The following CPXM2 variants were observed in gnomAD, a reference collection of about 807,000 sequenced individuals.
CPXM2 encodes the protein carboxypeptidase X, M14 family member 2.
Under a neutral mutation model 86.1 loss-of-function variants are expected in CPXM2, and 66 were observed. The observed-to-expected ratio is 0.77, with a 90% CI of 0.63 to 0.94. The LOEUF (loss-of-function observed/expected upper bound fraction) is 0.94. Among genes scored for constraint, CPXM2 ranks in the 40% least tolerant of loss-of-function variants. The pLI, the probability that CPXM2 is intolerant of heterozygous loss-of-function variation, is 0.00. For synonymous variants in CPXM2, 388 were observed against 400.2 expected, an observed-to-expected ratio of 0.97 and a Z score of 0.36; for missense variants, 948 against 1,026.3, an observed-to-expected ratio of 0.92 and a Z score of 1.04.
At chr10:123,790,118 T>C (rs774851474) in intron 6 of CPXM2, among the ~76,000 whole-genome samples, 1 of 151,728 alleles carries the variant, frequency 6.6e-6, no homozygotes, top group African/African-American at 2.4e-5. Context: ...GACTCCATCT[T>C]AAAAAAAATT....
intron 2 of CPXM2, among the ~76,000 whole-genome samples, chr10:123,936,563 A>G (rs1242034741): frequency 6.6e-6 from 1 of 152,208 alleles, no homozygotes; most frequent in Non-Finnish European, 1.5e-5. Flanking sequence ...ACCATGATGC[A>G]TCCAAACCAA....
At chr10:123,910,841 G>A (rs944121431) in intron 2 of CPXM2, among the ~76,000 whole-genome samples, 11 of 114,970 alleles carry the variant, frequency 9.6e-5, no homozygotes, top group African/African-American at 2.8e-4. Context: ...ACCAGCTCTC[G>A]GGGAGGATCC....
At chr10:123,804,760 T>C (rs1030968176) in intron 4 of CPXM2, among the ~76,000 whole-genome samples, 2 of 152,218 alleles carry the variant, frequency 1.3e-5, no homozygotes, top group African/African-American at 4.8e-5. Flanking sequence ...CCCAGCCTCA[T>C]TCGTGAGATC....
Position 123,754,996 on chromosome 10 carries a change from C to G in CPXM2, c.1918-234G>C, listed in dbSNP as rs540185506. Among the ~76,000 whole-genome samples the G allele has an allele frequency of 1.7e-4, 26 of 152,362 alleles. No individual in the cohort carries two copies. The highest frequency in any genetic ancestry group is 3.2e-4 in the Non-Finnish European group (22 of 68,040). On this transcript the variant is annotated intron_variant, in intron 12 of 13. Coordinates refer to ENST00000241305, the MANE Select transcript of CPXM2 (RefSeq NM_198148.3). This position sits in a 1 kb window ranked among gnomAD's most constrained non-coding sequence, Gnocchi z 4.0. Reference sequence around the variant, plus strand: ...AAGAAAAGTGAACTTATTTCTGAAGCTAGCATTAGGGAAGCATCCTGCTTT... The same window carrying G: ...AAGAAAAGTGAACTTATTTCTGAAGGTAGCATTAGGGAAGCATCCTGCTTT...
chr10:123,905,024 G>A (rs1490805124), intron 2 of CPXM2, among the ~76,000 whole-genome samples: 1 of 132,808 alleles, frequency 7.5e-6, no homozygotes, highest in Non-Finnish European at 1.6e-5. Context: ...CAGGTGTGCT[G>A]GAAAATGCGT....
In CPXM2 at chr10:123,848,437, C is replaced by T. The variant is rs1848540320; in HGVS notation, c.514-5949G>A. On this transcript the variant is annotated intron_variant, in intron 3 of 13. Transcript: ENST00000241305. Reference sequence around the variant, plus strand: ...CCAAAACCAATTTCTTAACTATTTCCTTGCATTGGCCAAGGAAACTAGTAA... The same window carrying T: ...CCAAAACCAATTTCTTAACTATTTCTTTGCATTGGCCAAGGAAACTAGTAA... 2.0e-5 allele frequency among the ~76,000 whole-genome samples: 3 copies of T among 152,138 alleles called. No homozygotes were observed. The South Asian group carries it at 6.2e-4, about 31-fold the overall frequency.
chr10:123,879,292 C>T (rs2134228947), intron 2 of CPXM2, among the ~76,000 whole-genome samples: 1 of 152,294 alleles, frequency 6.6e-6, no homozygotes, highest in African/African-American at 2.4e-5. Context: ...CACATGGCAG[C>T]TAAAGTCCTG....
chr10:123,877,951 C>A (rs28759094), intron 2 of CPXM2, among the ~76,000 whole-genome samples: 105,142 of 151,978 alleles, frequency 0.69, 37,747 homozygotes, highest in African/African-American at 0.84. Context: ...TGTACTGCCC[C>A]CCGCCTTGCA....
At chr10:123,879,010 C>G (rs1945038510) in intron 2 of CPXM2, among the ~76,000 whole-genome samples, 1 of 152,178 alleles carries the variant, frequency 6.6e-6, no homozygotes, top group Non-Finnish European at 1.5e-5. Context: ...GCAGAATGCG[C>G]TCTCCCGGTC....
In CPXM2 at chr10:123,865,036, C is replaced by T. The variant is rs1409878074; in HGVS notation, c.404-2313G>A. ...CCGCCAGCAGTGCTGGCAGCTGCCACATCTAACAGCCATTCTTGTCCACTC... is the reference window on the plus strand; with the variant it reads ...CCGCCAGCAGTGCTGGCAGCTGCCATATCTAACAGCCATTCTTGTCCACTC... On this transcript the variant is annotated intron_variant, in intron 2 of 13. Coordinates refer to ENST00000241305, the MANE Select transcript of CPXM2 (RefSeq NM_198148.3). This position sits in a 1 kb window ranked among gnomAD's most constrained non-coding sequence, Gnocchi z 4.7. Among the ~76,000 whole-genome samples the T allele has an allele frequency of 1.3e-5, 2 of 152,204 alleles. No individual in the cohort carries two copies. The highest frequency in any genetic ancestry group is 2.9e-5 in the Non-Finnish European group (2 of 68,040).
chr10:123,760,692 C>T (rs188308817), intron 11 of CPXM2, among the ~76,000 whole-genome samples: 186 of 152,288 alleles, frequency 1.2e-3, no homozygotes, highest in African/African-American at 4.4e-3. Context: ...GAACTTATCA[C>T]GACTGTTTCT....
At position 123,797,993 on chromosome 10, in the gene CPXM2, A is replaced by G. The variant is rs1159080225; in HGVS notation, c.872T>C (p.Leu291Pro). The change falls in exon 6 of 14, where the codon CTG becomes CCG. Residue 291 changes from leucine (L) to proline (P), a missense_variant. Physicochemically the swap from Leu to Pro is moderately conservative, Grantham distance 98. Coordinates refer to ENST00000241305, the MANE Select transcript of CPXM2 (RefSeq NM_198148.3). ...NGSICMRMEI[L>P]GCPLPDPNNY... ...GAACTCACCTGGCAGTGGGCAGCCC[A>G]GGATCTCCATTCTCATGCAGATGCT... 6.2e-7 allele frequency: 1 copy of G among 1,608,116 alleles called. No homozygotes were observed. The highest frequency in any genetic ancestry group is 1.3e-5 in the African/African-American group (1 of 74,590).
chr10:123,895,905 A>G (rs1429525902), upstream of CPXM2, among the ~76,000 whole-genome samples: 1 of 152,234 alleles, frequency 6.6e-6, no homozygotes, highest in Non-Finnish European at 1.5e-5. Context: ...CACTTCTGCT[A>G]AGCAAAATAA....
At chr10:123,888,005 G>T (rs926884556) in intron 1 of CPXM2, among the ~76,000 whole-genome samples, 1 of 152,122 alleles carries the variant, frequency 6.6e-6, no homozygotes, top group Admixed American at 6.5e-5. Flanking sequence ...TAGCCAAAGG[G>T]TTCAGTTCTC....
chr10:123,843,563 G>A (rs1848433648), intron 3 of CPXM2, among the ~76,000 whole-genome samples: 1 of 148,776 alleles, frequency 6.7e-6, no homozygotes, highest in South Asian at 2.1e-4. Flanking sequence ...TATTTCTTAT[G>A]ATCAGATTAA....
intron 2 of CPXM2, among the ~76,000 whole-genome samples, chr10:123,868,153 C>G (rs1414751145): frequency 2.0e-5 from 3 of 152,160 alleles, no homozygotes; most frequent in African/African-American, 7.2e-5. Flanking sequence ...CTGGCAAAGA[C>G]CGAAGGGAGC....
At chr10:123,938,187 T>C (rs138826158) in intron 2 of CPXM2, among the ~76,000 whole-genome samples, 60 of 152,344 alleles carry the variant, frequency 3.9e-4, no homozygotes, top group African/African-American at 1.4e-3. Flanking sequence ...GAGGTCTTTT[T>C]AAAACGTATG....
intron 6 of CPXM2, among the ~76,000 whole-genome samples, chr10:123,785,070 T>C (rs1157419395): frequency 6.6e-6 from 1 of 152,240 alleles, no homozygotes; most frequent in Non-Finnish European, 1.5e-5. Flanking sequence ...ATGAGGCTCT[T>C]GAGCCCCTAT....
Position 123,768,582 on chromosome 10 carries a change from G to T in CPXM2, c.1243C>A (p.Arg415=), listed in dbSNP as rs778302866. Residue 415 remains arginine (R), a synonymous_variant, in exon 9 of 14, where the codon CGG becomes AGG. Coordinates refer to ENST00000241305, the MANE Select transcript of CPXM2 (RefSeq NM_198148.3). Reference sequence around the variant, plus strand: ...TTGAGGGAGGGGAGGACGTGAATCCGCGTCTCCTCCACCAGGTGGACGATG... The same window carrying T: ...TTGAGGGAGGGGAGGACGTGAATCCTCGTCTCCTCCACCAGGTGGACGATG... ...ARIVHLVEET[R]IHVLPSLNPD... 4 of 1,613,914 alleles carry T rather than the reference G, an allele frequency of 2.5e-6. No individual in the cohort carries two copies. The Admixed American group carries it at 6.7e-5, about 27-fold the overall frequency.
Sources: gnomAD v4.1 joint callset for allele counts (sites outside exome capture counted in the v4.1 genomes callset) on GRCh38, gnomAD v4.1.1 for gene constraint, Gnocchi (gnomAD v3.1) non-coding constraint, MANE v1.5 for transcripts, NCBI Gene and HGNC (gene_info 2026-07-23, HGNC 2026-07-21) for gene names.